Variants in OR2M2 observed in about 807,000 individuals in gnomAD.
OR2M2 encodes the protein olfactory receptor 2M2.
For missense variants in OR2M2, 467 were observed against 429.9 expected, an observed-to-expected ratio of 1.09 and a Z score of -0.76; for synonymous variants, 168 against 151.7, an observed-to-expected ratio of 1.11 and a Z score of -0.79.
intron 1 of OR2M2, 27 bp from the exon 2 acceptor site, chr1:248,179,941 A>G (rs1479226289): frequency 6.4e-6 from 10 of 1,558,454 alleles, no homozygotes; most frequent in Admixed American, 1.9e-5. Context: ...TGTTTACCAA[A>G]TTAATAAGAT....
chr1:248,178,061 T>A (rs1665875086), intron 1 of OR2M2: 1 of 152,098 alleles, frequency 6.6e-6, no homozygotes. Flanking sequence ...TTGAGAGGTT[T>A]TTTCTTTCTT....
At chr1:248,179,419 CT>C (rs1487989336) in intron 1 of OR2M2, among the ~76,000 whole-genome samples, 1 of 152,188 alleles carries the variant, frequency 6.6e-6, no homozygotes, top group East Asian at 1.9e-4. Context: ...AATTGAAAAT[CT>C]TTCCAGTGTA....
chr1:248,178,017 A>G (rs569160871), intron 1 of OR2M2: 3 of 152,072 alleles, frequency 2.0e-5, no homozygotes, highest in Non-Finnish European at 4.4e-5. Context: ...TTTCCACATA[A>G]CAGCTGTTCT....
rs763902972 is a variant in OR2M2 at position 248,180,327 on chromosome 1, T to G, written c.342T>G (p.Leu114=). The G allele has an allele frequency of 1.5e-5, 24 of 1,614,066 alleles. No individual in the cohort carries two copies. In the African/African-American group the frequency reaches 2.5e-4, roughly 17 times the overall value. ...YISLSGSECF[L]LAVMAYDRYI... is the part of the protein sequence containing the mutation. ...CACTGTCTGGCTCTGAATGTTTTCT[T>G]TTGGCTGTTATGGCTTATGACCGCT... The change falls in exon 2 of 2, where the codon CTT becomes CTG. Residue 114 remains leucine (L), a synonymous_variant. Coordinates refer to ENST00000641836, the MANE Select transcript of OR2M2 (RefSeq NM_001004688.2).
At chr1:248,177,585 G>A (rs1430529956) in intron 1 of OR2M2, among the ~76,000 whole-genome samples, 4 of 152,090 alleles carry the variant, frequency 2.6e-5, no homozygotes, top group Non-Finnish European at 5.9e-5. Flanking sequence ...ATTCCATAAA[G>A]GAAGTTGATA....
chr1:248,179,658 C>G (rs1665901434), intron 1 of OR2M2, among the ~76,000 whole-genome samples: 1 of 152,166 alleles, frequency 6.6e-6, no homozygotes, highest in Non-Finnish European at 1.5e-5. Flanking sequence ...GTTTTAGGAA[C>G]TATCTGTTTG....
chr1:248,180,881 G>C lies in OR2M2; in HGVS notation c.896G>C (p.Arg299Thr), dbSNP rs754505341. 2 of 1,614,114 alleles carry C rather than the reference G, an allele frequency of 1.2e-6. No individual in the cohort carries two copies. The highest frequency in any genetic ancestry group is 1.7e-6 in the Non-Finnish European group (2 of 1,180,000). Residue 299 changes from arginine to threonine, a missense_variant, in exon 2 of 2, where the codon AGA (arginine) becomes ACA (threonine). By Grantham distance (71) the Arg-to-Thr change is moderately conservative. Coordinates refer to ENST00000641836, the MANE Select transcript of OR2M2 (RefSeq NM_001004688.2). ...IYSLRNKEVT[R>T]AFMKILGKGK... is the part of the protein sequence containing the mutation. ...AGCCTCCGCAACAAGGAGGTGACTA[G>C]AGCATTCATGAAGATCTTAGGAAAG...
Position 248,180,595 on chromosome 1 carries a change from A to G in OR2M2, c.610A>G (p.Ile204Val), listed in dbSNP as rs767241426. Residue 204 changes from isoleucine (I) to valine (V), a missense_variant, in exon 2 of 2, where the codon ATA (isoleucine) becomes GTA (valine). By Grantham distance (29) the Ile-to-Val change is conservative. Coordinates refer to ENST00000641836, the MANE Select transcript of OR2M2 (RefSeq NM_001004688.2). The part of the protein sequence containing the change: ...IFEEVIFICC[I>V]VMLVFPVAII... ...TGAAGAGGTTATTTTCATCTGCTGTATAGTAATGCTTGTTTTCCCTGTTGC... is the reference window on the plus strand; with the variant it reads ...TGAAGAGGTTATTTTCATCTGCTGTGTAGTAATGCTTGTTTTCCCTGTTGC... 8 of 1,613,182 alleles carry G rather than the reference A, an allele frequency of 5.0e-6. No individual in the cohort carries two copies. Among genetic ancestry groups the G allele is most frequent in the Non-Finnish European group, 6.8e-6 (8 of 1,179,844 alleles).
rs1192775117 is a variant in OR2M2, at chr1:248,180,529, C to G, written c.544C>G (p.Pro182Ala). The change falls in exon 2 of 2, where the codon CCT (proline) becomes GCT (alanine). Residue 182 changes from proline (P) to alanine (A), a missense_variant. Physicochemically the swap from Pro to Ala is conservative, Grantham distance 27. Transcript: ENST00000641836. ...AATAGCCCACTTCTTCTGTGAATTC[C>G]CTTCCCTACTAATCCTCTCATGCAA... ...REIAHFFCEF[P>A]SLLILSCNDT... is the part of the protein sequence containing the mutation. The G allele has an allele frequency of 6.2e-7, 1 of 1,613,884 alleles. No homozygotes were observed. Among genetic ancestry groups the G allele is most frequent in the Admixed American group, 1.7e-5 (1 of 60,006 alleles).
In OR2M2 at chr1:248,180,510, C is replaced by G. The variant is rs766109278; in HGVS notation, c.525C>G (p.Ala175=). The change falls in exon 2 of 2, where the codon GCC becomes GCG. Residue 175 remains alanine (A), a synonymous_variant. Transcript: ENST00000641836. ...SFSFCGSREI[A]HFFCEFPSLL... is the part of the protein sequence containing the mutation. ...CCTTTTGTGGGTCTCGGGAAATAGC[C>G]CACTTCTTCTGTGAATTCCCTTCCC... 5 of 1,613,794 alleles carry G rather than the reference C, an allele frequency of 3.1e-6. No homozygotes were observed. The South Asian group carries it at 5.5e-5, about 18-fold the overall frequency.
rs1181036949 is a variant in OR2M2, at chr1:248,180,974, T to C, written c.989T>C (p.Ile330Thr). The C allele has an allele frequency of 6.2e-7, 1 of 1,613,568 alleles. No individual in the cohort carries two copies. The highest frequency in any genetic ancestry group is 8.5e-7 in the Non-Finnish European group (1 of 1,179,566). Residue 330 changes from isoleucine (I) to threonine (T), a missense_variant, in exon 2 of 2, where the codon ATA (isoleucine) becomes ACA (threonine). Transcript: ENST00000641836. Reference sequence around the variant, plus strand: ...CTGTTTGCTAAATTCTTCTTTCTAATATCCATCTTTTTCTATGATGTCAAA... The same window carrying C: ...CTGTTTGCTAAATTCTTCTTTCTAACATCCATCTTTTTCTATGATGTCAAA... ...VLLFAKFFFL[I>T]SIFFYDVKIL...
chr1:248,178,855 T>G (rs1242823565), intron 1 of OR2M2, among the ~76,000 whole-genome samples: 1 of 152,182 alleles, frequency 6.6e-6, no homozygotes, highest in African/African-American at 2.4e-5. Context: ...ACTTCACAAG[T>G]GTTGTTTGAA....
At chr1:248,176,676 T>C (rs1444907243) in intron 1 of OR2M2, among the ~76,000 whole-genome samples, 1 of 152,120 alleles carries the variant, frequency 6.6e-6, no homozygotes, top group African/African-American at 2.4e-5. Context: ...TGGCAATGAA[T>C]AGTCCTATAA....
chr1:248,179,672 T>G (rs1309049865), intron 1 of OR2M2, among the ~76,000 whole-genome samples: 4 of 152,226 alleles, frequency 2.6e-5, no homozygotes, highest in Non-Finnish European at 5.9e-5. Context: ...CTGTTTGCTT[T>G]GGAGACATAT....
intron 1 of OR2M2, among the ~76,000 whole-genome samples, chr1:248,176,633 A>G (rs1200882524): frequency 6.6e-6 from 1 of 152,064 alleles, no homozygotes; most frequent in Non-Finnish European, 1.5e-5. Context: ...TATTCCTCCT[A>G]CTACAGTGCT....
chr1:248,177,488 A>G (rs578241808), intron 1 of OR2M2, among the ~76,000 whole-genome samples: 112 of 152,212 alleles, frequency 7.4e-4, no homozygotes, highest in South Asian at 2.5e-3. Context: ...AAGATAATAC[A>G]ATTTTGTTTG....
intron 1 of OR2M2, among the ~76,000 whole-genome samples, chr1:248,178,873 A>G (rs1342276069): frequency 6.6e-6 from 1 of 152,208 alleles, no homozygotes; most frequent in African/African-American, 2.4e-5. Context: ...GAAAGGGTGG[A>G]TCTCATGCTT....
intron 1 of OR2M2, 59 bp from the exon 2 acceptor site, chr1:248,179,909 G>T: frequency 6.7e-7 from 1 of 1,488,374 alleles, no homozygotes; most frequent in Non-Finnish European, 9.1e-7. Context: ...AAAATCACAC[G>T]ATTTATAAGA....
In OR2M2 at chr1:248,180,526, T is replaced by G; in HGVS notation, c.541T>G (p.Phe181Val). ...GGAAATAGCCCACTTCTTCTGTGAA[T>G]TCCCTTCCCTACTAATCCTCTCATG... ...SREIAHFFCE[F>V]PSLLILSCND... Residue 181 changes from phenylalanine to valine, a missense_variant, in exon 2 of 2, where the codon TTC (phenylalanine) becomes GTC (valine). Phe to Val is a conservative substitution (Grantham distance 50, BLOSUM62 -1). Coordinates refer to ENST00000641836, the MANE Select transcript of OR2M2 (RefSeq NM_001004688.2). 1 of 1,613,934 alleles carries G rather than the reference T, an allele frequency of 6.2e-7. No homozygotes were observed. The highest frequency in any genetic ancestry group is 8.5e-7 in the Non-Finnish European group (1 of 1,179,836).
Sources: gnomAD v4.1 joint callset for allele counts (sites outside exome capture counted in the v4.1 genomes callset) on GRCh38, gnomAD v4.1.1 for gene constraint, MANE v1.5 for transcripts, NCBI Gene and HGNC (gene_info 2026-07-23, HGNC 2026-07-21) for gene names.